The following DNHD1 variants were observed in gnomAD, a reference collection of about 807,000 sequenced individuals.
DNHD1 encodes dynein heavy chain domain 1, also known as dynein heavy chain domain-containing protein 1.
In DNHD1, 383 loss-of-function variants were observed where a neutral mutation model predicts 458.1. That is an observed-to-expected ratio of 0.84 (90% CI 0.77 to 0.91). The LOEUF (loss-of-function observed/expected upper bound fraction) is 0.91, where lower values mean the gene tolerates loss of function less well. Ranked by LOEUF, DNHD1 falls within the 40% of genes least tolerant of loss-of-function variation. The pLI is 0.00. For synonymous variants in DNHD1, 2,203 were observed against 2,376.9 expected (o/e 0.93, Z 2.13); for missense variants, 5,336 against 5,866.1 (o/e 0.91, Z 2.95).
chr11:6,522,248 C>A (rs749799343), intron 10 of DNHD1, among the ~76,000 whole-genome samples: 6 of 151,898 alleles, frequency 4.0e-5, no homozygotes, highest in Admixed American at 3.3e-4. Context: ...CAGACCTTTG[C>A]CAGATGCATA....
intron 14 of DNHD1, among the ~76,000 whole-genome samples, chr11:6,537,206 A>G (rs918813218): frequency 6.6e-6 from 1 of 152,228 alleles, no homozygotes; most frequent in African/African-American, 2.4e-5. Flanking sequence ...GACTATAAGT[A>G]ACTGATTAAG....
At chr11:6,568,918 G>A (rs1248142499) in intron 39 of DNHD1, 52 bp downstream of exon 39, 1 of 1,536,770 alleles carries the variant, frequency 6.5e-7, no homozygotes, top group South Asian at 1.2e-5. Context: ...CAAACATTGA[G>A]TATCTTCCAT....
At chr11:6,543,455 G>A (rs1025192765) in intron 18 of DNHD1, among the ~76,000 whole-genome samples, 2 of 152,196 alleles carry the variant, frequency 1.3e-5, no homozygotes, top group African/African-American at 4.8e-5. Flanking sequence ...GTAGGGTCCT[G>A]GAGCCATTCA....
At position 6,547,460 on chromosome 11, in the gene DNHD1, C is replaced by T. The variant is rs1244030560; in HGVS notation, c.6521C>T (p.Thr2174Ile). The change falls in exon 21 of 43, where the codon ACA becomes ATA. Residue 2174 changes from threonine to isoleucine, a missense_variant. Around this residue, in one of 4 missense-constraint regions of DNHD1, gnomAD observed 3,932 missense variants for 4,365.6 expected, o/e 0.90. Coordinates refer to ENST00000254579, the MANE Select transcript of DNHD1 (RefSeq NM_144666.3). ...LPYEYRLQHR[T>I]VAELNHMAEV... ...TATGAGTACCGCCTGCAGCACCGGA[C>T]AGTCGCTGAGCTCAACCACATGGCT... The T allele has an allele frequency of 6.4e-7, 1 of 1,551,186 alleles. No homozygotes were observed. Among genetic ancestry groups the T allele is most frequent in the African/African-American group, 1.4e-5 (1 of 73,040 alleles).
Position 6,528,922 on chromosome 11 carries a change from G to A in DNHD1, c.2148G>A (p.Trp716Ter), listed in dbSNP as rs1852771368. The stretch of plus-strand genomic sequence containing the variant: ...AGGAATTCTGCAGGGAACATCATTG[G>A]ATAACAGGCATTTATGAATTCCTGC... Reference protein sequence around the residue: ...KVQEFCREHHWITGIYEFLQS... With the variant: ...KVQEFCREHH The change falls in exon 12 of 43, where the codon TGG becomes TGA. Residue 716 changes from tryptophan (W) to a stop codon, truncating the protein, a stop_gained. Transcript: ENST00000254579. LOFTEE classifies it high-confidence loss of function. 6.4e-6 allele frequency: 10 copies of A among 1,551,726 alleles called. No individual in the cohort carries two copies. The highest frequency in any genetic ancestry group is 8.7e-6 in the Non-Finnish European group (10 of 1,147,004).
chr11:6,568,781 C>G lies in DNHD1; in HGVS notation c.12778C>G (p.Gln4260Glu), dbSNP rs1853768993. 2 of 1,613,404 alleles carry G rather than the reference C, an allele frequency of 1.2e-6. No individual in the cohort carries two copies. The highest frequency in any genetic ancestry group is 1.1e-5 in the South Asian group (1 of 90,908). ...AGTACTCTACATGCAACCCCCCACC[C>G]AGGCACTACCTCTGCTCCTCCTCCA... is the stretch of plus-strand genomic sequence containing the variant. ...QQVLYMQPPT[Q>E]ALPLLLLHGL... Residue 4260 changes from glutamine (Q) to glutamate (E), a missense_variant, in exon 39 of 43, where the codon CAG becomes GAG. Transcript: ENST00000254579.
rs751933670 is a variant in DNHD1 at position 6,548,945 on chromosome 11, C to T, written c.7387+12C>T. The T allele has an allele frequency of 9.0e-6, 14 of 1,550,580 alleles. No homozygotes were observed. Among genetic ancestry groups the T allele is most frequent in the Admixed American group, 2.0e-5 (1 of 50,682 alleles). On this transcript the variant is annotated intron_variant, in intron 24 of 42. Transcript: ENST00000254579. This position sits in a 1 kb window ranked among gnomAD's most constrained non-coding sequence, Gnocchi z 4.4. ...CCTAGCCACTTCTGGTGAGGAGCTG[C>T]GAAGAGGGAAGGAAGGAGCTACTGT...
Position 6,567,702 on chromosome 11 carries a change from G to C in DNHD1, c.12193G>C (p.Gly4065Arg). 6.2e-7 allele frequency: 1 copy of C among 1,613,878 alleles called. No individual in the cohort carries two copies. Among genetic ancestry groups the C allele is most frequent in the Non-Finnish European group, 8.5e-7 (1 of 1,179,882 alleles). ...GGCAGACTTCACCACTAGCCTCCTG[G>C]GTCGGCCCCTGGATGAAAACACGTA... ...ALADFTTSLL[G>R]RPLDENTYAP... Residue 4065 changes from glycine to arginine, a missense_variant, in exon 36 of 43, where the codon GGT becomes CGT. Physicochemically the swap from Gly to Arg is moderately radical, Grantham distance 125 (BLOSUM62 -2). Transcript: ENST00000254579.
chr11:6,528,712 T>C lies in DNHD1; in HGVS notation c.2028T>C (p.Tyr676=), dbSNP rs1424999360. 1.3e-6 allele frequency: 2 copies of C among 1,551,740 alleles called. No individual in the cohort carries two copies. Among genetic ancestry groups the C allele is most frequent in the African/African-American group, 1.4e-5 (1 of 73,182 alleles). The change falls in exon 11 of 43, where the codon TAT becomes TAC. Residue 676 remains tyrosine, a synonymous_variant. Transcript: ENST00000254579. ...RLRGQYFPHN[Y]KQLEEDLDNN... ...GGGGCCAATACTTCCCCCACAATTA[T>C]AAGCAGCTGGAGGAAGACCTGGACA...
chr11:6,544,431 C>T, intron 19 of DNHD1, 143 bp from the exon 20 acceptor site: 2 of 1,014,904 alleles, frequency 2.0e-6, no homozygotes, highest in Non-Finnish European at 2.8e-6. Context: ...TTTTCTCCCT[C>T]AAGCAAGTTC....
At chr11:6,561,962 T>C (rs1358667172) in intron 28 of DNHD1, among the ~76,000 whole-genome samples, 1 of 152,026 alleles carries the variant, frequency 6.6e-6, no homozygotes, top group Non-Finnish European at 1.5e-5. Context: ...AATGTAGAAG[T>C]GACAAGTGTT....
chr11:6,501,925 T>C (rs1852144861), intron 3 of DNHD1, among the ~76,000 whole-genome samples: 1 of 152,220 alleles, frequency 6.6e-6, no homozygotes, highest in East Asian at 1.9e-4. Flanking sequence ...ATATTGTTGA[T>C]ATGAATTCTA....
Position 6,556,991 on chromosome 11 carries a change from G to A in DNHD1, c.7696G>A (p.Ala2566Thr). The change falls in exon 25 of 43, where the codon GCC (alanine) becomes ACC (threonine). Residue 2566 changes from alanine (A) to threonine (T), a missense_variant. Ala to Thr is a moderately conservative substitution (Grantham distance 58, BLOSUM62 0). Around this residue, in one of 4 missense-constraint regions of DNHD1, gnomAD observed 3,932 missense variants for 4,365.6 expected, o/e 0.90. Coordinates refer to ENST00000254579, the MANE Select transcript of DNHD1 (RefSeq NM_144666.3). ...TGCTCTGGCACGAGGTCTGGTTAGG[G>A]CCTCAGTAGAGGCCTGGGAGGCTGT... ...ERALARGLVR[A>T]SVEAWEAVCN... 2.6e-6 allele frequency: 4 copies of A among 1,551,704 alleles called. No individual in the cohort carries two copies. Among genetic ancestry groups the A allele is most frequent in the Non-Finnish European group, 3.5e-6 (4 of 1,146,996 alleles).
Position 6,567,452 on chromosome 11 carries a change from G to C in DNHD1, c.11943G>C (p.Trp3981Cys). 1 of 1,612,368 alleles carries C rather than the reference G, an allele frequency of 6.2e-7. No individual in the cohort carries two copies. The highest frequency in any genetic ancestry group is 8.5e-7 in the Non-Finnish European group (1 of 1,179,252). ...TCTCAGATGTGGCTCGACCGGCCTGGCTTGGGCCAAAAGCCTGGCATGAAT... is the reference window on the plus strand; with the variant it reads ...TCTCAGATGTGGCTCGACCGGCCTGCCTTGGGCCAAAAGCCTGGCATGAAT... ...KPVSDVARPA[W>C]LGPKAWHECE... Residue 3981 changes from tryptophan to cysteine, a missense_variant, in exon 36 of 43, where the codon TGG (tryptophan) becomes TGC (cysteine). Trp to Cys is a radical substitution (Grantham distance 215). This residue lies in a region of DNHD1 where 695 missense variants were observed against 804.2 expected (regional missense o/e 0.86). Transcript: ENST00000254579.
In DNHD1 at chr11:6,570,292, A is replaced by T. The variant is rs777437771; in HGVS notation, c.13001A>T (p.Glu4334Val). The change falls in exon 41 of 43, where the codon GAG becomes GTG. Residue 4334 changes from glutamate to valine, a missense_variant. Physicochemically the swap from Glu to Val is moderately radical, Grantham distance 121. Transcript: ENST00000254579. ...GGPLGDTEDR[E>V]ALISLTQACL... ...CCTCTGGGGGACACTGAGGACAGGG[A>T]GGCCCTGATTAGCCTCACACAAGCC... The T allele has an allele frequency of 6.2e-7, 1 of 1,613,596 alleles. No individual in the cohort carries two copies. The highest frequency in any genetic ancestry group is 8.5e-7 in the Non-Finnish European group (1 of 1,179,776).
Position 6,545,181 on chromosome 11 carries a change from C to T in DNHD1, c.4242C>T (p.Asn1414=). 6.4e-7 allele frequency: 1 copy of T among 1,552,026 alleles called. No individual in the cohort carries two copies. The highest frequency in any genetic ancestry group is 8.7e-7 in the Non-Finnish European group (1 of 1,147,070). The change falls in exon 21 of 43, where the codon AAC becomes AAT. Residue 1414 remains asparagine, a synonymous_variant. Coordinates refer to ENST00000254579, the MANE Select transcript of DNHD1 (RefSeq NM_144666.3). This position sits in a 1 kb window ranked among gnomAD's most constrained non-coding sequence, Gnocchi z 4.9. ...CAGATGACTGGGAGTCAAGCCCAAACACACAGACTCAGGTGGAGGCACTTG... is the reference window on the plus strand; with the variant it reads ...CAGATGACTGGGAGTCAAGCCCAAATACACAGACTCAGGTGGAGGCACTTG... ...KNTDDWESSP[N]TQTQVEALAV... is the part of the protein sequence containing the mutation.
chr11:6,560,673 C>T (rs1853568488), intron 28 of DNHD1, among the ~76,000 whole-genome samples: 1 of 152,150 alleles, frequency 6.6e-6, no homozygotes. Flanking sequence ...CAGGGTCATT[C>T]AGAGTCAGAT....
intron 4 of DNHD1, chr11:6,504,206 G>GCTGGTTAT (rs1852187954): frequency 6.6e-6 from 1 of 152,186 alleles, no homozygotes. Context: ...AGAGCATCCT[G>GCTGGTTAT]CTGGTTATTA....
rs1489192765 is a variant in DNHD1, at chr11:6,545,290, C to A, written c.4351C>A (p.Leu1451Met). 1.3e-6 allele frequency: 2 copies of A among 1,551,622 alleles called. No homozygotes were observed. Among genetic ancestry groups the A allele is most frequent in the African/African-American group, 2.7e-5 (2 of 73,060 alleles). Residue 1451 changes from leucine to methionine, a missense_variant, in exon 21 of 43, where the codon CTG becomes ATG. By Grantham distance (15) the Leu-to-Met change is conservative. Around this residue, in one of 4 missense-constraint regions of DNHD1, gnomAD observed 3,932 missense variants for 4,365.6 expected, o/e 0.90. Coordinates refer to ENST00000254579, the MANE Select transcript of DNHD1 (RefSeq NM_144666.3). This position sits in a 1 kb window ranked among gnomAD's most constrained non-coding sequence, Gnocchi z 4.9. ...AGATCTCCCTAAGTGGCTGGCCTCTCTGGAGAAGTGTCTGCGCTTGGCACT... is the reference window on the plus strand; with the variant it reads ...AGATCTCCCTAAGTGGCTGGCCTCTATGGAGAAGTGTCTGCGCTTGGCACT... ...HPDLPKWLAS[L>M]EKCLRLALVH...
Sources: gnomAD v4.1 joint callset for allele counts (sites outside exome capture counted in the v4.1 genomes callset) on GRCh38, gnomAD v4.1.1 for gene constraint, gnomAD v4.1.1 regional missense constraint, Gnocchi (gnomAD v3.1) non-coding constraint, MANE v1.5 for transcripts, NCBI Gene and HGNC (gene_info 2026-07-23, HGNC 2026-07-21) for gene names.